Variants in NEO1 observed in about 807,000 individuals in gnomAD.
The protein encoded by NEO1 is neogenin 1, also known as neogenin.
In NEO1, 63 loss-of-function variants were observed where a neutral mutation model predicts 159.7. That is an observed-to-expected ratio of 0.39 (90% CI 0.32 to 0.49). NEO1 has a LOEUF of 0.49. Among genes scored for constraint, NEO1 ranks in the 20% least tolerant of loss-of-function variants. The pLI, the probability that NEO1 is intolerant of heterozygous loss-of-function variation, is 0.85. For synonymous variants in NEO1, 633 were observed against 662.0 expected, an observed-to-expected ratio of 0.96 and a Z score of 0.67; for missense variants, 1,615 against 1,831.0, an observed-to-expected ratio of 0.88 and a Z score of 2.15.
chr15:73,302,228 T>G (rs984687606), intron 28 of NEO1, among the ~76,000 whole-genome samples: 2 of 152,214 alleles, frequency 1.3e-5, no homozygotes, highest in African/African-American at 4.8e-5. Context: ...CAAACTCCAG[T>G]AAAAATGTTT....
intron 7 of NEO1, among the ~76,000 whole-genome samples, chr15:73,194,164 T>C (rs1449101845): frequency 6.6e-6 from 1 of 152,122 alleles, no homozygotes; most frequent in Admixed American, 6.5e-5. Context: ...GATTAATTTA[T>C]TAGAGATGTG....
intron 6 of NEO1, among the ~76,000 whole-genome samples, chr15:73,177,365 G>A (rs1414643658): frequency 6.6e-6 from 1 of 152,076 alleles, no homozygotes; most frequent in Non-Finnish European, 1.5e-5. Flanking sequence ...TGTCATACAA[G>A]TAAACATTCT....
Position 73,303,220 on chromosome 15 carries a change from C to T in NEO1, c.*524C>T, listed in dbSNP as rs1032200969. On this transcript the variant is annotated 3_prime_UTR_variant, in exon 29 of 29. Transcript: ENST00000261908. The stretch of plus-strand genomic sequence containing the variant: ...AAAGTCTTTGACAGTGTGGGTCGTT[C>T]CTGGGGTTGGCTTGTTTTTTGGTTT... 7.2e-5 allele frequency: 11 copies of T among 152,614 alleles called. No homozygotes were observed. The highest frequency in any genetic ancestry group is 2.4e-4 in the African/African-American group (10 of 41,346). 9.5% of individuals were successfully genotyped at this position (152,614 alleles called of 1,614,324 possible). A position where few individuals can be genotyped will look rare whatever the true frequency, so the allele number is the denominator to read the frequency against.
chr15:73,193,978 G>A (rs1260614904), intron 7 of NEO1, among the ~76,000 whole-genome samples: 2 of 152,060 alleles, frequency 1.3e-5, no homozygotes, highest in African/African-American at 2.4e-5. Context: ...GGCTCAAAGT[G>A]CATTTGGAGA....
At chr15:73,153,613 C>G (rs8035717) in intron 5 of NEO1, among the ~76,000 whole-genome samples, 14,419 of 152,136 alleles carry the variant, frequency 0.095, 919 homozygotes, top group African/African-American at 0.17. Flanking sequence ...ATTGTCAGCC[C>G]CTTATTCTGG....
Position 73,303,700 on chromosome 15 carries a change from G to A in NEO1, c.*1004G>A, listed in dbSNP as rs1240105020. 1.3e-5 allele frequency: 2 copies of A among 152,216 alleles called. No individual in the cohort carries two copies. The highest frequency in any genetic ancestry group is 3.8e-4 in the East Asian group (2 of 5,196). 9.4% of individuals were successfully genotyped at this position (152,216 alleles called of 1,614,324 possible). On this transcript the variant is annotated 3_prime_UTR_variant, in exon 29 of 29. Coordinates refer to ENST00000261908, the MANE Select transcript of NEO1 (RefSeq NM_002499.4). The stretch of plus-strand genomic sequence containing the variant: ...ATTCTTCTGTGCAATAGATGGGTTT[G>A]AGGATTTAGCGGCCCTGATGTCTTG...
intron 5 of NEO1, among the ~76,000 whole-genome samples, chr15:73,156,877 A>G (rs992090145): frequency 1.3e-5 from 2 of 152,072 alleles, no homozygotes; most frequent in Admixed American, 1.3e-4. Context: ...ACCTTCCTTG[A>G]CGGGGGTGGC....
chr15:73,175,464 G>A (rs914139204), intron 5 of NEO1, among the ~76,000 whole-genome samples: 4 of 152,186 alleles, frequency 2.6e-5, no homozygotes, highest in Admixed American at 2.0e-4. Context: ...TGTGTTCAGG[G>A]AAAAGAAGAC....
chr15:73,253,752 T>C (rs756737363), intron 12 of NEO1, among the ~76,000 whole-genome samples: 2 of 152,218 alleles, frequency 1.3e-5, no homozygotes, highest in Non-Finnish European at 2.9e-5. Context: ...TTTCTGCAAT[T>C]AAATTGCTCT....
At chr15:73,052,173 G>A (rs995011079), upstream of NEO1, among the ~76,000 whole-genome samples, 2 of 150,004 alleles carry the variant, frequency 1.3e-5, no homozygotes, top group African/African-American at 2.4e-5. Flanking sequence ...AGAAGGGGGA[G>A]GGGAGCGGGC....
intron 1 of NEO1, among the ~76,000 whole-genome samples, chr15:73,114,198 G>T (rs2071161417): frequency 6.6e-6 from 1 of 152,164 alleles, no homozygotes; most frequent in Non-Finnish European, 1.5e-5. Context: ...CTGAAAAGGA[G>T]TGGTGGTGGG....
chr15:73,244,366 C>T lies in NEO1; in HGVS notation c.1474C>T (p.His492Tyr). The T allele has an allele frequency of 1.2e-6, 2 of 1,613,444 alleles. No individual in the cohort carries two copies. Among genetic ancestry groups the T allele is most frequent in the Non-Finnish European group, 1.7e-6 (2 of 1,179,618 alleles). Residue 492 changes from histidine (H) to tyrosine (Y), a missense_variant, in exon 9 of 29, where the codon CAC (histidine) becomes TAC (tyrosine). By Grantham distance (83) the His-to-Tyr change is moderately conservative (BLOSUM62 2). This residue lies in a region of NEO1 where 1,018 missense variants were observed against 1,115.4 expected (regional missense o/e 0.91). Coordinates refer to ENST00000261908, the MANE Select transcript of NEO1 (RefSeq NM_002499.4). ...IARERVENTSHPGEMQVTIQN... is the reference protein window; with the variant it reads ...IARERVENTSYPGEMQVTIQN... ...AAGGGAACGTGTTGAGAATACCAGT[C>T]ACCCAGGAGAGATGCAAGTAACCAT...
At chr15:73,196,771 C>T (rs2036553993) in intron 7 of NEO1, among the ~76,000 whole-genome samples, 1 of 152,212 alleles carries the variant, frequency 6.6e-6, no homozygotes. Flanking sequence ...ATTAGGTTTC[C>T]CTAGTCTACT....
At chr15:73,233,147 G>A (rs1210848910) in intron 7 of NEO1, among the ~76,000 whole-genome samples, 3 of 152,116 alleles carry the variant, frequency 2.0e-5, no homozygotes, top group Non-Finnish European at 4.4e-5. Context: ...GATACTCTGT[G>A]ATAACATAAG....
chr15:73,300,890 G>A (rs117055223), intron 27 of NEO1, among the ~76,000 whole-genome samples: 21 of 152,256 alleles, frequency 1.4e-4, no homozygotes, highest in African/African-American at 4.3e-4. Context: ...TAAACTGCAC[G>A]TGCGTGTCAG....
At chr15:73,240,026 A>G (rs1447930949) in intron 8 of NEO1, among the ~76,000 whole-genome samples, 1 of 152,152 alleles carries the variant, frequency 6.6e-6, no homozygotes, top group Non-Finnish European at 1.5e-5. Flanking sequence ...AGGGATGCTG[A>G]TGAACATCCT....
intron 17 of NEO1, 28 bp from the exon 18 acceptor site, chr15:73,270,288 T>G: frequency 6.2e-7 from 1 of 1,613,920 alleles, no homozygotes. Context: ...CTTTCTAATT[T>G]TAAAGTCTCA....
At chr15:73,128,255 T>TG (rs200073864) in intron 4 of NEO1, among the ~76,000 whole-genome samples, 32 of 151,922 alleles carry the variant, frequency 2.1e-4, no homozygotes, top group African/African-American at 7.5e-4. Context: ...TTTTTTTTTT[T>TG]GCCAACTGAA....
chr15:73,112,809 T>C (rs530017417), intron 1 of NEO1, among the ~76,000 whole-genome samples: 1 of 152,332 alleles, frequency 6.6e-6, no homozygotes, highest in South Asian at 2.1e-4. Context: ...ATAGTGAAGC[T>C]TAAATGAGTG....
Sources: allele counts gnomAD v4.1 joint callset (sites outside exome capture counted in the v4.1 genomes callset), GRCh38; gene constraint gnomAD v4.1.1; regional missense constraint gnomAD v4.1.1; transcripts MANE v1.5; gene names NCBI Gene and HGNC (gene_info 2026-07-23, HGNC 2026-07-21).